The following DOP1A variants were observed in gnomAD, a reference collection of about 807,000 sequenced individuals.
DOP1A encodes the protein protein DOP1A.
Under a neutral mutation model 267.6 loss-of-function variants are expected in DOP1A, and 90 were observed. That is an observed-to-expected ratio of 0.34 (90% confidence interval 0.28 to 0.40). The LOEUF (loss-of-function observed/expected upper bound fraction) is 0.40. Ranked by LOEUF, DOP1A falls within the 10% of genes least tolerant of loss-of-function variation. DOP1A has a pLI of 1.00. For synonymous variants in DOP1A, 932 were observed against 999.1 expected (o/e 0.93, Z 1.27); for missense variants, 2,437 against 2,900.4 (o/e 0.84, Z 3.67).
downstream of DOP1A, chr6:83,169,649 T>C (rs1366197368): frequency 4.2e-6 from 2 of 470,766 alleles, no homozygotes; most frequent in Non-Finnish European, 8.4e-6. Flanking sequence ...AATGCCTCTG[T>C]TGCCATCTCC....
At chr6:83,096,400 C>A (rs915852489) in intron 1 of DOP1A, among the ~76,000 whole-genome samples, 2 of 150,526 alleles carry the variant, frequency 1.3e-5, no homozygotes, top group East Asian at 3.9e-4. Flanking sequence ...TACTTTAAAC[C>A]ACCACATGTT....
At chr6:83,166,184 T>C (rs1337985302) in intron 38 of DOP1A, 1 of 507,678 alleles carries the variant, frequency 2.0e-6, no homozygotes, top group Non-Finnish European at 3.5e-6. Flanking sequence ...ACCCATTTAT[T>C]GAGCTTTTTC....
intron 27 of DOP1A, among the ~76,000 whole-genome samples, chr6:83,151,146 A>G (rs1301515705): frequency 1.3e-5 from 2 of 152,156 alleles, no homozygotes; most frequent in African/African-American, 4.8e-5. Flanking sequence ...TAGTATTTGA[A>G]CATTCTGCAA....
At chr6:83,117,548 G>A (rs1775663217) in intron 7 of DOP1A, among the ~76,000 whole-genome samples, 1 of 152,158 alleles carries the variant, frequency 6.6e-6, no homozygotes, top group Non-Finnish European at 1.5e-5. Context: ...TTTACTGCAA[G>A]TACATGGCTG....
At chr6:83,079,464 A>G (rs1767704277) in intron 1 of DOP1A, among the ~76,000 whole-genome samples, 1 of 152,216 alleles carries the variant, frequency 6.6e-6, no homozygotes, top group Admixed American at 6.5e-5. Flanking sequence ...AAATTGGAAC[A>G]CACTAGGAAG....
At chr6:83,139,305 A>G in intron 21 of DOP1A, 143 bp downstream of exon 21, 1 of 612,184 alleles carries the variant, frequency 1.6e-6, no homozygotes. Context: ...TCCACAAAAA[A>G]GAAAATTTGA....
intron 1 of DOP1A, among the ~76,000 whole-genome samples, chr6:83,069,634 TAGTA>T (rs1465950415): frequency 6.6e-6 from 1 of 152,212 alleles, no homozygotes; most frequent in Non-Finnish European, 1.5e-5. Flanking sequence ...ATATTTTTCT[TAGTA>T]AAATATTAAT....
intron 7 of DOP1A, 62 bp downstream of exon 7, chr6:83,113,483 G>A: frequency 7.4e-7 from 1 of 1,360,528 alleles, no homozygotes; most frequent in South Asian, 1.2e-5. Context: ...TTGATAATGT[G>A]TAGTTATTTT....
downstream of DOP1A, chr6:83,169,844 G>A (rs1033669993): frequency 4.4e-6 from 2 of 456,438 alleles, no homozygotes; most frequent in Non-Finnish European, 8.8e-6. Flanking sequence ...CTTGACCCCT[G>A]TCAGGGAAAC....
chr6:83,119,915 A>C, intron 9 of DOP1A, 58 bp downstream of exon 9: 7 of 1,413,102 alleles, frequency 5.0e-6, no homozygotes, highest in Non-Finnish European at 6.9e-6. Flanking sequence ...GTAGTGAAAA[A>C]GTGTAAGACG....
chr6:83,071,274 T>A (rs1294900155), intron 1 of DOP1A, among the ~76,000 whole-genome samples: 1 of 151,536 alleles, frequency 6.6e-6, no homozygotes, highest in African/African-American at 2.4e-5. Context: ...TGCAGTGGAG[T>A]GAGCTCACTG....
intron 7 of DOP1A, among the ~76,000 whole-genome samples, chr6:83,115,082 A>G (rs932198566): frequency 6.6e-6 from 1 of 152,156 alleles, no homozygotes; most frequent in Admixed American, 6.5e-5. Context: ...TCCCAAAAGG[A>G]TGATAGTTGT....
intron 3 of DOP1A, 99 bp from the exon 4 acceptor site, chr6:83,100,606 C>A: frequency 1.2e-6 from 1 of 826,698 alleles, no homozygotes; most frequent in Non-Finnish European, 1.7e-6. Context: ...AACACAAAGA[C>A]CTACAATGAT....
chr6:83,160,821 GAGT>G (rs1388778704), intron 37 of DOP1A, among the ~76,000 whole-genome samples: 1 of 152,118 alleles, frequency 6.6e-6, no homozygotes. Context: ...ATAGGATAAA[GAGT>G]ATGCTACTGA....
intron 11 of DOP1A, 57 bp downstream of exon 11, chr6:83,122,107 T>C (rs1776460117): frequency 1.9e-6 from 3 of 1,580,964 alleles, no homozygotes; most frequent in Non-Finnish European, 2.6e-6. Flanking sequence ...TCACTTAATA[T>C]AAACTTGAAG....
At chr6:83,156,865 C>T (rs1219377409) in intron 34 of DOP1A, among the ~76,000 whole-genome samples, 1 of 151,476 alleles carries the variant, frequency 6.6e-6, no homozygotes, top group Admixed American at 6.6e-5. Context: ...ATCAGTGCTA[C>T]TCAAAGTATG....
chr6:83,089,981 T>C (rs892853375), intron 1 of DOP1A, among the ~76,000 whole-genome samples: 10 of 152,224 alleles, frequency 6.6e-5, no homozygotes, highest in Non-Finnish European at 1.0e-4. Context: ...TTTTAACTAA[T>C]ATTCACAAGA....
intron 1 of DOP1A, among the ~76,000 whole-genome samples, chr6:83,078,204 A>T (rs1767455788): frequency 6.6e-6 from 1 of 152,206 alleles, no homozygotes; most frequent in Non-Finnish European, 1.5e-5. Context: ...AGATTGAAGG[A>T]ATGGGTCTAT....
At chr6:83,170,254 T>C, downstream of DOP1A, 5 of 1,534,804 alleles carry the variant, frequency 3.3e-6, no homozygotes, top group Non-Finnish European at 4.5e-6. Flanking sequence ...ATAGTTTGCC[T>C]GCCCATCACC....
Sources: gnomAD v4.1 joint callset for allele counts (sites outside exome capture counted in the v4.1 genomes callset) on GRCh38, gnomAD v4.1.1 for gene constraint, MANE v1.5 for transcripts, NCBI Gene and HGNC (gene_info 2026-07-23, HGNC 2026-07-21) for gene names.